Variants in CYYR1 observed in about 807,000 individuals in gnomAD.
The protein encoded by CYYR1 is cysteine and tyrosine rich 1.
In CYYR1, 14 loss-of-function variants were observed where a neutral mutation model predicts 15.2. The observed-to-expected ratio is 0.92, with a 90% CI of 0.61 to 1.44. The LOEUF (loss-of-function observed/expected upper bound fraction) is 1.44. Among genes scored for constraint, CYYR1 ranks in the 40% most tolerant of loss-of-function variants. The pLI is 0.00. For missense variants in CYYR1, 228 were observed against 209.5 expected, an observed-to-expected ratio of 1.09 and a Z score of -0.54; for synonymous variants, 80 against 77.4, an observed-to-expected ratio of 1.03 and a Z score of -0.18.
chr21:26,503,940 C>T (rs1040182554), intron 2 of CYYR1, among the ~76,000 whole-genome samples: 1 of 152,048 alleles, frequency 6.6e-6, no homozygotes, highest in Non-Finnish European at 1.5e-5. Context: ...TTCAAAAAGG[C>T]TTTACGTATA....
chr21:26,566,165 A>T, intron 2 of CYYR1, 101 bp downstream of exon 2: 1 of 792,554 alleles, frequency 1.3e-6, no homozygotes, highest in South Asian at 1.9e-5. Flanking sequence ...CAATCTTGAA[A>T]TCTCTTGCCC....
intron 2 of CYYR1, among the ~76,000 whole-genome samples, chr21:26,496,527 A>G (rs1189740264): frequency 6.6e-6 from 1 of 152,248 alleles, no homozygotes; most frequent in Non-Finnish European, 1.5e-5. Context: ...GATGTACAAA[A>G]TGAATATTTA....
At chr21:26,544,861 C>T (rs1044686508) in intron 2 of CYYR1, among the ~76,000 whole-genome samples, 2 of 151,912 alleles carry the variant, frequency 1.3e-5, no homozygotes, top group Non-Finnish European at 2.9e-5. Flanking sequence ...TGAGGTGGAT[C>T]CTAGGAGTTC....
intron 2 of CYYR1, among the ~76,000 whole-genome samples, chr21:26,528,271 T>A (rs115108100): frequency 6.8e-4 from 104 of 152,278 alleles, no homozygotes; most frequent in African/African-American, 2.4e-3. Flanking sequence ...CTGATATGAT[T>A]TGGATATGTG....
intron 2 of CYYR1, among the ~76,000 whole-genome samples, chr21:26,542,277 A>ATGTGTGTGTGTGCG (rs1978608502): frequency 1.6e-5 from 2 of 128,262 alleles, no homozygotes; most frequent in African/African-American, 6.1e-5. Flanking sequence ...GAGAGAGAAT[A>ATGTGTGTGTGTGCG]TGTGTGTGTG....
intron 2 of CYYR1, among the ~76,000 whole-genome samples, chr21:26,535,932 C>G (rs1375399804): frequency 6.6e-6 from 1 of 152,122 alleles, no homozygotes; most frequent in Non-Finnish European, 1.5e-5. Context: ...TCTGTTTTCA[C>G]GTTGATATAC....
chr21:26,470,984 C>T (rs1025897329), intron 3 of CYYR1: 1 of 152,182 alleles, frequency 6.6e-6, no homozygotes, highest in Non-Finnish European at 1.5e-5. Context: ...AATACATCAG[C>T]GAGGATGCAT....
At chr21:26,570,986 A>G (rs779725358) in intron 1 of CYYR1, among the ~76,000 whole-genome samples, 4 of 152,216 alleles carry the variant, frequency 2.6e-5, no homozygotes, top group Non-Finnish European at 5.9e-5. Context: ...TTTTTGCTGA[A>G]CAAAATAGAC....
rs57577537 is a variant in CYYR1 at position 26,542,294 on chromosome 21, T to G, written c.176+23972A>C. The stretch of plus-strand genomic sequence containing the variant: ...GAGAGAATATGTGTGTGTGTGCGTG[T>G]GTGTGTGTGTGTGTGTGTGTGTGTG... On this transcript the variant is annotated intron_variant, in intron 2 of 3. Coordinates refer to ENST00000652641, the MANE Select transcript of CYYR1 (RefSeq NM_001320768.2). Among the ~76,000 whole-genome samples the G allele has an allele frequency of 1.5e-3, 209 of 142,882 alleles. 2 individuals carry two copies. Among genetic ancestry groups the G allele is most frequent in the African/African-American group, 5.5e-3 (200 of 36,456 alleles). 93.7% of individuals were successfully genotyped at this position (142,882 alleles called of 152,430 possible). A position where few individuals can be genotyped will look rare whatever the true frequency, so the allele number is the denominator to read the frequency against.
chr21:26,530,972 G>T (rs906797351), intron 2 of CYYR1, among the ~76,000 whole-genome samples: 22 of 152,150 alleles, frequency 1.4e-4, no homozygotes, highest in African/African-American at 4.3e-4. Flanking sequence ...GGCCCAGAAA[G>T]ACACTGACTA....
At chr21:26,563,469 G>A (rs910345893) in intron 2 of CYYR1, among the ~76,000 whole-genome samples, 12 of 152,126 alleles carry the variant, frequency 7.9e-5, no homozygotes, top group African/African-American at 2.9e-4. Flanking sequence ...CTACTTGGGA[G>A]GTTGAGGCAT....
chr21:26,471,002 GT>G (rs767184770), intron 3 of CYYR1: 1 of 152,232 alleles, frequency 6.6e-6, no homozygotes, highest in Non-Finnish European at 1.5e-5. Flanking sequence ...CATATATACA[GT>G]TTCCCCAGTG....
chr21:26,561,761 A>C (rs189972227), intron 2 of CYYR1, among the ~76,000 whole-genome samples: 1 of 152,202 alleles, frequency 6.6e-6, no homozygotes, highest in Non-Finnish European at 1.5e-5. Flanking sequence ...ATATATTGTC[A>C]TCTAGCTCAC....
At chr21:26,572,834 C>G in intron 1 of CYYR1, 34 bp downstream of exon 1, 1 of 1,611,060 alleles carries the variant, frequency 6.2e-7, no homozygotes, top group Middle Eastern at 1.7e-4. Context: ...CAGCCCCGAG[C>G]CTCTGACCCT....
intron 3 of CYYR1, among the ~76,000 whole-genome samples, chr21:26,473,527 G>C (rs561213446): frequency 1.1e-4 from 17 of 152,200 alleles, no homozygotes; most frequent in African/African-American, 3.9e-4. Flanking sequence ...ATTCTGGAAG[G>C]CTTTGCACAT....
At position 26,468,482 on chromosome 21, in the gene CYYR1, T is replaced by A; in HGVS notation, c.*19A>T. The A allele has an allele frequency of 1.4e-6, 2 of 1,466,820 alleles. No homozygotes were observed. The highest frequency in any genetic ancestry group is 3.3e-5 in the Admixed American group (2 of 59,816). 90.9% of individuals were successfully genotyped at this position (1,466,820 alleles called of 1,614,324 possible). ...AGGCAAGATCGCCCATTGGCACATG[T>A]TCTGTTCTGGGAGATAGATTATTTC... On this transcript the variant is annotated 3_prime_UTR_variant, in exon 4 of 4. Transcript: ENST00000652641.
chr21:26,570,528 T>A (rs1407977470), intron 1 of CYYR1, among the ~76,000 whole-genome samples: 1 of 152,192 alleles, frequency 6.6e-6, no homozygotes, highest in Non-Finnish European at 1.5e-5. Context: ...GACAATAATA[T>A]CAACACTTCA....
chr21:26,516,013 T>C (rs536442801), intron 2 of CYYR1, among the ~76,000 whole-genome samples: 1 of 152,334 alleles, frequency 6.6e-6, no homozygotes, highest in South Asian at 2.1e-4. Flanking sequence ...AGTTGGCGTA[T>C]TTAAGGTAGA....
Position 26,511,987 on chromosome 21 carries a change from T to C in CYYR1, c.177-31558A>G, listed in dbSNP as rs1231310. On this transcript the variant is annotated intron_variant, in intron 2 of 3. Transcript: ENST00000652641. ...AGAAATATGTCAACAATATCACACATACACACACACACACACACACACACA... is the reference window on the plus strand; with the variant it reads ...AGAAATATGTCAACAATATCACACACACACACACACACACACACACACACA... 9.6e-4 allele frequency among the ~76,000 whole-genome samples: 142 copies of C among 148,218 alleles called. No homozygotes were observed. In the East Asian group the frequency reaches 0.023, roughly 24 times the overall value.
Sources: allele counts gnomAD v4.1 joint callset (sites outside exome capture counted in the v4.1 genomes callset), GRCh38; gene constraint gnomAD v4.1.1; transcripts MANE v1.5; gene names NCBI Gene and HGNC (gene_info 2026-07-23, HGNC 2026-07-21).